Variants in RYR2 observed in about 807,000 individuals in gnomAD.
RYR2 encodes the protein cardiac muscle ryanodine receptor-calcium release channel.
Under a neutral mutation model 601.1 loss-of-function variants are expected in RYR2, and 227 were observed. The ratio of observed to expected loss-of-function variants is 0.38; its 90% CI spans 0.34 to 0.42. The LOEUF is 0.42. RYR2 is among the 10% of genes least tolerant of loss of function. The pLI, the probability that RYR2 is intolerant of heterozygous loss-of-function variation, is 1.00. For synonymous variants in RYR2, 2,223 were observed against 2,175.1 expected (o/e 1.02, Z -0.61); for missense variants, 4,646 against 6,156.5 (o/e 0.75, Z 8.21).
At chr1:237,141,086 A>G (rs1673338496) in intron 1 of RYR2, among the ~76,000 whole-genome samples, 1 of 152,236 alleles carries the variant, frequency 6.6e-6, no homozygotes, top group South Asian at 2.1e-4. Context: ...AAGTGTGAGA[A>G]CAGCTTCTGG....
chr1:237,601,533 C>T (rs1348349247), intron 34 of RYR2, among the ~76,000 whole-genome samples: 1 of 152,006 alleles, frequency 6.6e-6, no homozygotes, highest in Non-Finnish European at 1.5e-5. Flanking sequence ...AGTAGGGTGA[C>T]TATAGTCAAC....
At chr1:237,242,032 G>A (rs369100562) in intron 1 of RYR2, among the ~76,000 whole-genome samples, 8 of 152,182 alleles carry the variant, frequency 5.3e-5, no homozygotes, top group African/African-American at 1.9e-4. Context: ...TTGAAAAGGT[G>A]GATAGTAGAT....
At chr1:237,435,558 C>T (rs1022561491) in intron 12 of RYR2, among the ~76,000 whole-genome samples, 1 of 150,020 alleles carries the variant, frequency 6.7e-6, no homozygotes, top group Non-Finnish European at 1.5e-5. Flanking sequence ...AAAATAGTGC[C>T]AATTATGGTT....
chr1:237,671,968 G>A (rs755724914), intron 58 of RYR2, among the ~76,000 whole-genome samples: 1 of 152,106 alleles, frequency 6.6e-6, no homozygotes, highest in Non-Finnish European at 1.5e-5. Context: ...TCATGAGTCC[G>A]TGCTGGTATG....
chr1:237,177,937 A>T (rs1273023813), intron 1 of RYR2, among the ~76,000 whole-genome samples: 1 of 152,232 alleles, frequency 6.6e-6, no homozygotes, highest in African/African-American at 2.4e-5. Context: ...CAGGCTAGCA[A>T]ATACAGATTA....
chr1:237,268,409 A>G (rs1459277369), intron 1 of RYR2, among the ~76,000 whole-genome samples: 8 of 152,154 alleles, frequency 5.3e-5, no homozygotes, highest in Non-Finnish European at 1.2e-4. Context: ...GTACTTCATG[A>G]TTGTTTTTAT....
chr1:237,423,611 T>C lies in RYR2; in HGVS notation c.1005+363T>C, dbSNP rs528802267. Among the ~76,000 whole-genome samples, 14 of 143,028 alleles carry C rather than the reference T, an allele frequency of 9.8e-5. 1 individual carries two copies. In the South Asian group the frequency reaches 2.8e-3, roughly 29 times the overall value. The allele number at this position is 143,028 out of a possible 152,430, so 93.8% of individuals were successfully genotyped here. A position where few individuals can be genotyped will look rare whatever the true frequency, so the allele number is the denominator to read the frequency against. The stretch of plus-strand genomic sequence containing the variant: ...GAAAGGTGTTTCATGTCGTTTACAG[T>C]TCTTAAAACACATCCATCCAGCTCC... On this transcript the variant is annotated intron_variant, in intron 12 of 104. Transcript: ENST00000366574.
At position 237,707,059 on chromosome 1, in the gene RYR2, A is replaced by G. The variant is rs374899980; in HGVS notation, c.9691A>G (p.Met3231Val). 1.7e-5 allele frequency: 28 copies of G among 1,613,754 alleles called. No homozygotes were observed. The highest frequency in any genetic ancestry group is 1.6e-4 in the Middle Eastern group (1 of 6,084). Residue 3231 changes from methionine to valine, a missense_variant, in exon 68 of 105, where the codon ATG becomes GTG. Transcript: ENST00000366574. ...CGAGTCCGGCATTCGCTACACTCAA[A>G]TGCCACATGTCATGGAAGTCATACT... ...LAESGIRYTQ[M>V]PHVMEVILPM...
chr1:237,723,827 G>A (rs1040230378), intron 74 of RYR2, among the ~76,000 whole-genome samples: 1 of 151,894 alleles, frequency 6.6e-6, no homozygotes, highest in Non-Finnish European at 1.5e-5. Flanking sequence ...TTTTTCAGTT[G>A]TGTCCTACTT....
intron 88 of RYR2, among the ~76,000 whole-genome samples, chr1:237,779,701 T>C (rs961139044): frequency 6.6e-6 from 1 of 152,176 alleles, no homozygotes; most frequent in Non-Finnish European, 1.5e-5. Flanking sequence ...TAAGGATACA[T>C]CTTAATGTCA....
intron 5 of RYR2, 40 bp from the exon 6 acceptor site, chr1:237,369,494 T>C: frequency 6.6e-7 from 1 of 1,514,096 alleles, no homozygotes; most frequent in South Asian, 1.2e-5. Flanking sequence ...CTCTTTTGTG[T>C]TTTTCTCTCT....
At chr1:237,121,320 C>G (rs1670753830) in intron 1 of RYR2, among the ~76,000 whole-genome samples, 1 of 152,118 alleles carries the variant, frequency 6.6e-6, no homozygotes, top group Non-Finnish European at 1.5e-5. Context: ...TTTTTGACTA[C>G]CAGCTTAGTG....
chr1:237,487,687 C>T (rs182228919), intron 17 of RYR2, among the ~76,000 whole-genome samples: 28 of 151,310 alleles, frequency 1.9e-4, no homozygotes, highest in African/African-American at 4.9e-4. Context: ...GAGCTATAAT[C>T]GTGCCAATGC....
chr1:237,829,865 G>T, intron 102 of RYR2, among the ~76,000 whole-genome samples: 1 of 152,020 alleles, frequency 6.6e-6, no homozygotes, highest in East Asian at 1.9e-4. Context: ...GTCTGCAAGG[G>T]GCAGACCTAA....
intron 22 of RYR2, among the ~76,000 whole-genome samples, chr1:237,506,462 C>T (rs1174509107): frequency 6.6e-6 from 1 of 151,486 alleles, no homozygotes; most frequent in Non-Finnish European, 1.5e-5. Context: ...GGTGTGAACC[C>T]GAGAGGCGGA....
chr1:237,337,278 G>A (rs1558645430), intron 3 of RYR2, among the ~76,000 whole-genome samples: 1 of 151,356 alleles, frequency 6.6e-6, no homozygotes, highest in Non-Finnish European at 1.5e-5. Flanking sequence ...AAATGCAGTG[G>A]GAAGCAACTG....
chr1:237,466,084 C>A (rs1040807824), intron 16 of RYR2, among the ~76,000 whole-genome samples: 1 of 152,132 alleles, frequency 6.6e-6, no homozygotes, highest in Admixed American at 6.6e-5. Flanking sequence ...AAATACATAT[C>A]TATATATCTA....
chr1:237,500,604 G>T, intron 20 of RYR2, 107 bp from the exon 21 acceptor site: 1 of 831,454 alleles, frequency 1.2e-6, no homozygotes, highest in Middle Eastern at 2.5e-4. Context: ...TTCTGATGTT[G>T]TGCATTGGTT....
chr1:237,581,797 G>A (rs1361195004), intron 29 of RYR2, among the ~76,000 whole-genome samples: 2 of 152,160 alleles, frequency 1.3e-5, no homozygotes, highest in Non-Finnish European at 2.9e-5. Context: ...AGACCTGGGA[G>A]AGTAACTTAT....
Sources: gnomAD v4.1 joint callset for allele counts (sites outside exome capture counted in the v4.1 genomes callset) on GRCh38, gnomAD v4.1.1 for gene constraint, MANE v1.5 for transcripts, NCBI Gene and HGNC (gene_info 2026-07-23, HGNC 2026-07-21) for gene names.